NKAIN2: variants seen among roughly 807,000 people sequenced by gnomAD.
NKAIN2 encodes sodium/potassium-transporting ATPase subunit beta-1-interacting protein 2.
Under a neutral mutation model 32.6 loss-of-function variants are expected in NKAIN2, and 14 were observed. The observed-to-expected ratio is 0.43, with a 90% CI of 0.28 to 0.67. The LOEUF (loss-of-function observed/expected upper bound fraction) is 0.67. Among genes scored for constraint, NKAIN2 ranks in the 30% least tolerant of loss-of-function variants. The probability of loss-of-function intolerance (pLI) is 0.17; values close to 1 mark genes in which losing one functional copy is unlikely to be tolerated. For synonymous variants in NKAIN2, 80 were observed against 87.2 expected (o/e 0.92, Z 0.46); for missense variants, 198 against 258.3 (o/e 0.77, Z 1.60).
At chr6:124,785,099 A>G (rs895024817) in intron 4 of NKAIN2, among the ~76,000 whole-genome samples, 1 of 151,978 alleles carries the variant, frequency 6.6e-6, no homozygotes, top group Non-Finnish European at 1.5e-5. Flanking sequence ...TGTTATTTCC[A>G]TGAGTCTCTG....
chr6:123,889,022 C>T (rs1773866771), intron 1 of NKAIN2, among the ~76,000 whole-genome samples: 1 of 152,110 alleles, frequency 6.6e-6, no homozygotes, highest in Non-Finnish European at 1.5e-5. Flanking sequence ...AAAGAACAAT[C>T]TACTGAATGG....
intron 1 of NKAIN2, among the ~76,000 whole-genome samples, chr6:123,925,427 C>T (rs941012642): frequency 6.6e-6 from 1 of 152,156 alleles, no homozygotes; most frequent in Non-Finnish European, 1.5e-5. Context: ...TTTGCACTTG[C>T]CTCCTGGGTA....
chr6:124,117,029 A>G lies in NKAIN2; in HGVS notation c.55-165976A>G, dbSNP rs531160915. Reference sequence around the variant, plus strand: ...ATTCTGCTTATTTCTTAAAGTAATTAGCTATAAAATGCTTTTTTACTTTGA... The same window carrying G: ...ATTCTGCTTATTTCTTAAAGTAATTGGCTATAAAATGCTTTTTTACTTTGA... On this transcript the variant is annotated intron_variant, in intron 1 of 6. Transcript: ENST00000368417. Among the ~76,000 whole-genome samples the G allele has an allele frequency of 3.3e-5, 5 of 152,262 alleles. No homozygotes were observed. The South Asian group carries it at 1.0e-3, about 32-fold the overall frequency.
At chr6:124,366,172 G>A (rs781478996) in intron 3 of NKAIN2, among the ~76,000 whole-genome samples, 9 of 152,002 alleles carry the variant, frequency 5.9e-5, no homozygotes, top group Non-Finnish European at 1.3e-4. Context: ...GGGAAAAAAA[G>A]CAATAAAGCC....
chr6:124,537,053 C>A, intron 3 of NKAIN2, among the ~76,000 whole-genome samples: 1 of 152,142 alleles, frequency 6.6e-6, no homozygotes, highest in East Asian at 1.9e-4. Context: ...AGGGAAGAAG[C>A]AGTTCCTAGA....
chr6:124,054,391 G>A (rs1272977813), intron 1 of NKAIN2, among the ~76,000 whole-genome samples: 5 of 152,050 alleles, frequency 3.3e-5, no homozygotes, highest in Non-Finnish European at 7.4e-5. Context: ...CATCAGGACA[G>A]CATTGAGAAT....
chr6:124,007,549 T>G (rs4072794), intron 1 of NKAIN2, among the ~76,000 whole-genome samples: 48,881 of 152,014 alleles, frequency 0.32, 7,910 homozygotes, highest in East Asian at 0.39. Context: ...ATATTGAAAA[T>G]TTGCTCTGAA....
At chr6:124,221,600 G>C (rs1323913395) in intron 1 of NKAIN2, among the ~76,000 whole-genome samples, 1 of 152,028 alleles carries the variant, frequency 6.6e-6, no homozygotes, top group African/African-American at 2.4e-5. Context: ...AATTAAGGTA[G>C]AATGTTACCA....
At chr6:123,899,368 C>CT (rs954779346) in intron 1 of NKAIN2, among the ~76,000 whole-genome samples, 1 of 151,958 alleles carries the variant, frequency 6.6e-6, no homozygotes, top group African/African-American at 2.4e-5. Context: ...TTGTGCTCAC[C>CT]TTATCTCCTG....
intron 4 of NKAIN2, among the ~76,000 whole-genome samples, chr6:124,707,403 G>A (rs1458353826): frequency 6.6e-6 from 1 of 151,074 alleles, no homozygotes; most frequent in Non-Finnish European, 1.5e-5. Context: ...CTAGATCCCT[G>A]AGGAATGGCC....
intron 1 of NKAIN2, among the ~76,000 whole-genome samples, chr6:123,986,463 AAT>A: frequency 6.6e-6 from 1 of 152,258 alleles, no homozygotes; most frequent in African/African-American, 2.4e-5. Context: ...AGATCTGGTA[AAT>A]GACTGTTGGT....
intron 3 of NKAIN2, among the ~76,000 whole-genome samples, chr6:124,576,023 G>A (rs1182949279): frequency 6.6e-6 from 1 of 152,156 alleles, no homozygotes. Flanking sequence ...TAGAAATTGT[G>A]TTCTTTACCA....
intron 3 of NKAIN2, among the ~76,000 whole-genome samples, chr6:124,443,227 C>A (rs1260098742): frequency 6.6e-6 from 1 of 152,058 alleles, no homozygotes; most frequent in African/African-American, 2.4e-5. Context: ...TCTTCTCAAG[C>A]CTCCAATTCA....
At chr6:123,959,558 G>C (rs1043880191) in intron 1 of NKAIN2, among the ~76,000 whole-genome samples, 2 of 151,940 alleles carry the variant, frequency 1.3e-5, no homozygotes, top group African/African-American at 4.8e-5. Flanking sequence ...TTGCCAAAGG[G>C]GTATATTCAT....
chr6:124,258,419 AC>A (rs2114833615), intron 1 of NKAIN2, among the ~76,000 whole-genome samples: 3 of 152,340 alleles, frequency 2.0e-5, no homozygotes, highest in African/African-American at 7.2e-5. Flanking sequence ...GAACCAAAAA[AC>A]CAAAGTTAAG....
At chr6:124,199,809 GCCAAA>G (rs1790514582) in intron 1 of NKAIN2, among the ~76,000 whole-genome samples, 1 of 152,062 alleles carries the variant, frequency 6.6e-6, no homozygotes, top group Admixed American at 6.6e-5. Flanking sequence ...TGACTAAATT[GCCAAA>G]CCCTTATGTA....
intron 1 of NKAIN2, among the ~76,000 whole-genome samples, chr6:124,159,571 A>T (rs1346932738): frequency 6.6e-6 from 1 of 152,204 alleles, no homozygotes; most frequent in East Asian, 1.9e-4. Flanking sequence ...ACTAAACGTG[A>T]TGTCTTTGAA....
chr6:124,328,534 A>T (rs773114177), intron 2 of NKAIN2, among the ~76,000 whole-genome samples: 10 of 152,156 alleles, frequency 6.6e-5, no homozygotes, highest in Non-Finnish European at 1.3e-4. Flanking sequence ...TGAGATGGAG[A>T]TTTACATGCA....
intron 3 of NKAIN2, among the ~76,000 whole-genome samples, chr6:124,458,502 C>G (rs1222024867): frequency 6.6e-6 from 1 of 151,800 alleles, no homozygotes; most frequent in African/African-American, 2.4e-5. Context: ...TAAAATGACC[C>G]ATTGAGGGAA....
Sources: gnomAD v4.1 joint callset for allele counts (sites outside exome capture counted in the v4.1 genomes callset) on GRCh38, gnomAD v4.1.1 for gene constraint, MANE v1.5 for transcripts, NCBI Gene and HGNC (gene_info 2026-07-23, HGNC 2026-07-21) for gene names.